Variants in CLSTN2 observed in about 807,000 individuals in gnomAD.
CLSTN2 encodes the protein calsyntenin-2.
A neutral mutation model predicts 101.2 loss-of-function variants in CLSTN2; 48 were observed. The ratio of observed to expected loss-of-function variants is 0.47; its 90% confidence interval spans 0.38 to 0.60. The LOEUF is 0.60. Among genes scored for constraint, CLSTN2 ranks in the 20% least tolerant of loss-of-function variants. The pLI, the probability that CLSTN2 is intolerant of heterozygous loss-of-function variation, is 0.00. For missense variants in CLSTN2, 1,160 were observed against 1,238.2 expected (o/e 0.94, Z 0.95); for synonymous variants, 481 against 463.6 (o/e 1.04, Z -0.48).
chr3:140,238,085 G>A (rs1037328280), intron 2 of CLSTN2, among the ~76,000 whole-genome samples: 4 of 152,152 alleles, frequency 2.6e-5, no homozygotes, highest in African/African-American at 7.2e-5. Flanking sequence ...GCTTATCTTT[G>A]TGTTCAGAGA....
At chr3:140,141,475 T>C (rs2009696691) in intron 1 of CLSTN2, among the ~76,000 whole-genome samples, 2 of 152,156 alleles carry the variant, frequency 1.3e-5, no homozygotes, top group South Asian at 4.1e-4. Context: ...TGGCTGTGTA[T>C]TCTAGGAAGT....
intron 1 of CLSTN2, among the ~76,000 whole-genome samples, chr3:140,086,622 A>T (rs1237449702): frequency 6.6e-6 from 1 of 152,196 alleles, no homozygotes; most frequent in Non-Finnish European, 1.5e-5. Context: ...TATCATGTAT[A>T]CACTCATTTT....
At chr3:140,368,022 T>C (rs772838521) in intron 2 of CLSTN2, among the ~76,000 whole-genome samples, 3 of 152,164 alleles carry the variant, frequency 2.0e-5, no homozygotes, top group Non-Finnish European at 4.4e-5. Context: ...AAAATCTAAA[T>C]CAGGGAGAAT....
At chr3:140,383,555 A>C (rs2088016015) in intron 2 of CLSTN2, among the ~76,000 whole-genome samples, 2 of 152,200 alleles carry the variant, frequency 1.3e-5, no homozygotes, top group Non-Finnish European at 1.5e-5. Context: ...GACTTCTGTC[A>C]ATTTTATTTT....
In CLSTN2 at chr3:140,190,837, C is replaced by A. The variant is rs1407962765; in HGVS notation, c.232+14764C>A. The stretch of plus-strand genomic sequence containing the variant: ...TTTCTTGTAGATTTCTTGGGACTTT[C>A]CATATGGACAATCAAGTCATGTGCA... On this transcript the variant is annotated intron_variant, in intron 2 of 16. Transcript: ENST00000458420. Among the ~76,000 whole-genome samples the A allele has an allele frequency of 1.1e-4, 17 of 152,036 alleles. 1 individual carries two copies. The highest frequency in any genetic ancestry group is 2.5e-4 in the Non-Finnish European group (17 of 67,976).
intron 1 of CLSTN2, among the ~76,000 whole-genome samples, chr3:140,172,869 A>G (rs950577893): frequency 1.3e-4 from 20 of 152,216 alleles, no homozygotes; most frequent in African/African-American, 4.6e-4. Context: ...TGATTCAATT[A>G]TCTCCCACTG....
intron 1 of CLSTN2, among the ~76,000 whole-genome samples, chr3:140,098,325 A>G (rs1377711342): frequency 6.6e-6 from 1 of 152,180 alleles, no homozygotes; most frequent in Non-Finnish European, 1.5e-5. Flanking sequence ...ACTTCTGCAA[A>G]GATGGTACAA....
rs907227585 is a variant in CLSTN2, at chr3:140,566,398, C to T, written c.*145C>T. 3.4e-5 allele frequency: 26 copies of T among 758,892 alleles called. No individual in the cohort carries two copies. Among genetic ancestry groups the T allele is most frequent in the Middle Eastern group, 7.7e-4 (2 of 2,596 alleles). The allele number at this position is 758,892 out of a possible 1,614,324, so 47.0% of individuals were successfully genotyped here. On this transcript the variant is annotated 3_prime_UTR_variant, in exon 17 of 17. Transcript: ENST00000458420. Reference sequence around the variant, plus strand: ...GCTTCCTGGAGCCCACCCTTTAAGCCTTGGGCACTCCCTGTGTTTCATCCA... The same window carrying T: ...GCTTCCTGGAGCCCACCCTTTAAGCTTTGGGCACTCCCTGTGTTTCATCCA...
rs1483643202 is a variant in CLSTN2, at chr3:140,403,810, G to C, written c.414G>C (p.Trp138Cys). ...GTGCTGGGCCCCACGAGACAGCCTG[G>C]AAAAAGTCACACAAGTGAGTGGCCT... ...DCGAGPHETA[W>C]KKSHKAVVHI... The change falls in exon 3 of 17, where the codon TGG becomes TGC. Residue 138 changes from tryptophan (W) to cysteine (C), a missense_variant. Coordinates refer to ENST00000458420, the MANE Select transcript of CLSTN2 (RefSeq NM_022131.3). The C allele has an allele frequency of 9.3e-6, 15 of 1,610,084 alleles. No individual in the cohort carries two copies. Among genetic ancestry groups the C allele is most frequent in the Non-Finnish European group, 1.3e-5 (15 of 1,177,634 alleles).
chr3:140,123,031 G>T (rs1257353536), intron 1 of CLSTN2, among the ~76,000 whole-genome samples: 1 of 151,896 alleles, frequency 6.6e-6, no homozygotes, highest in Non-Finnish European at 1.5e-5. Context: ...TGTGTAACTT[G>T]GAAATTATAG....
At position 140,577,062 on chromosome 3, in the gene CLSTN2, G is replaced by C. The variant is rs1407746670; in HGVS notation, c.*10809G>C. ...ATAGAATCCTCTCTCAGGCCTAACT[G>C]AGCTGTCATATCCAATTCAGACTGA... is the stretch of plus-strand genomic sequence containing the variant. On this transcript the variant is annotated 3_prime_UTR_variant, in exon 17 of 17. Coordinates refer to ENST00000458420, the MANE Select transcript of CLSTN2 (RefSeq NM_022131.3). The C allele has an allele frequency of 6.6e-6, 1 of 152,120 alleles. No individual in the cohort carries two copies. Among genetic ancestry groups the C allele is most frequent in the Non-Finnish European group, 1.5e-5 (1 of 68,036 alleles). The allele number at this position is 152,120 out of a possible 1,614,324, so 9.4% of individuals were successfully genotyped here.
At chr3:140,355,678 G>C (rs1012636356) in intron 2 of CLSTN2, among the ~76,000 whole-genome samples, 3 of 152,150 alleles carry the variant, frequency 2.0e-5, no homozygotes, top group African/African-American at 7.2e-5. Flanking sequence ...GCCAAGCATG[G>C]GGAAGTGACT....
At chr3:140,520,110 A>C (rs888573152) in intron 8 of CLSTN2, among the ~76,000 whole-genome samples, 2 of 152,124 alleles carry the variant, frequency 1.3e-5, no homozygotes, top group Admixed American at 6.6e-5. Flanking sequence ...GAAATTCCTA[A>C]AGAATGTTGA....
At chr3:140,492,482 T>C (rs1030216508) in intron 8 of CLSTN2, among the ~76,000 whole-genome samples, 20 of 152,226 alleles carry the variant, frequency 1.3e-4, no homozygotes, top group Admixed American at 1.3e-3. Flanking sequence ...TTACTGTCAT[T>C]GAACACACTT....
chr3:140,563,030 G>C (rs1455406830), intron 14 of CLSTN2, 50 bp from the exon 15 acceptor site: 1 of 1,611,540 alleles, frequency 6.2e-7, no homozygotes, highest in Non-Finnish European at 8.5e-7. Flanking sequence ...TGCTGTAACT[G>C]GCCCACCTGC....
chr3:140,022,821 G>A (rs2007346280), intron 1 of CLSTN2, among the ~76,000 whole-genome samples: 1 of 152,176 alleles, frequency 6.6e-6, no homozygotes, highest in Non-Finnish European at 1.5e-5. Flanking sequence ...TGGGAGCTAA[G>A]GCATGAGCCT....
intron 1 of CLSTN2, among the ~76,000 whole-genome samples, chr3:140,046,099 T>C (rs2107766027): frequency 6.6e-6 from 1 of 151,864 alleles, no homozygotes; most frequent in South Asian, 2.1e-4. Context: ...GTTGATCTAA[T>C]ATTGATAGTG....
intron 8 of CLSTN2, among the ~76,000 whole-genome samples, chr3:140,496,338 T>A (rs543113593): frequency 3.8e-4 from 58 of 152,338 alleles, no homozygotes; most frequent in African/African-American, 1.3e-3. Context: ...TTGCTGAAGT[T>A]GCTTATCAGC....
intron 2 of CLSTN2, among the ~76,000 whole-genome samples, chr3:140,358,784 C>T (rs1347188849): frequency 6.6e-6 from 1 of 152,080 alleles, no homozygotes; most frequent in Non-Finnish European, 1.5e-5. Flanking sequence ...GGTGAGATAA[C>T]AACACCTGTG....
Sources: allele counts gnomAD v4.1 joint callset (sites outside exome capture counted in the v4.1 genomes callset), GRCh38; gene constraint gnomAD v4.1.1; transcripts MANE v1.5; gene names NCBI Gene and HGNC (gene_info 2026-07-23, HGNC 2026-07-21).